SYAP1: variants seen among roughly 807,000 people sequenced by gnomAD.
The protein encoded by SYAP1 is synapse associated protein 1.
In SYAP1, 3 loss-of-function variants were observed where a neutral mutation model predicts 29.6. The observed-to-expected ratio is 0.10, with a 90% CI of 0.05 to 0.26. SYAP1 has a LOEUF of 0.26. Ranked by LOEUF, SYAP1 falls within the 10% of genes least tolerant of loss-of-function variation. The pLI, the probability that SYAP1 is intolerant of heterozygous loss-of-function variation, is 1.00. For missense variants in SYAP1, 217 were observed against 264.1 expected (o/e 0.82, Z 1.24); for synonymous variants, 102 against 102.7 (o/e 0.99, Z 0.04).
chrX:16,732,577 A>G (rs1926233405), intron 1 of SYAP1, among the ~76,000 whole-genome samples: 1 of 111,472 alleles, frequency 9.0e-6, no homozygotes, highest in African/African-American at 3.3e-5. Context: ...CAGCCCGGTC[A>G]CTGGCTTTTA....
chrX:16,739,339 TATG>T (rs1229645811), intron 3 of SYAP1, among the ~76,000 whole-genome samples: 1 of 111,031 alleles, frequency 9.0e-6, no homozygotes, highest in African/African-American at 3.3e-5. Flanking sequence ...GGGCTCGTGA[TATG>T]ATATGTCTTC....
chrX:16,751,451 CAAA>C (rs1301725524), intron 5 of SYAP1, among the ~76,000 whole-genome samples: 1 of 30,093 alleles, frequency 3.3e-5, no homozygotes, highest in Non-Finnish European at 6.0e-5. Flanking sequence ...GACTCTGTCT[CAAA>C]AAAAAAAAAA....
At chrX:16,751,106 T>A (rs1926719752) in intron 5 of SYAP1, among the ~76,000 whole-genome samples, 1 of 110,080 alleles carries the variant, frequency 9.1e-6, no homozygotes, top group African/African-American at 3.3e-5. Context: ...TCTTTTTCTG[T>A]CAGGCTTTCT....
chrX:16,721,511 C>G (rs748831905), intron 1 of SYAP1, among the ~76,000 whole-genome samples: 9 of 109,078 alleles, frequency 8.3e-5, no homozygotes, highest in Non-Finnish European at 1.7e-4. Flanking sequence ...AATCTCAAAC[C>G]ATGACAGTGT....
chrX:16,757,081 A>G, intron 7 of SYAP1, 81 bp from the exon 8 acceptor site: 1 of 1,095,788 alleles, frequency 9.1e-7, no homozygotes, highest in East Asian at 3.0e-5. Flanking sequence ...GCACGGCATT[A>G]AATTGTGAGA....
chrX:16,751,470 G>A (rs1381174960), intron 5 of SYAP1, among the ~76,000 whole-genome samples: 1 of 95,558 alleles, frequency 1.0e-5, no homozygotes. Context: ...AAAAAAAAGG[G>A]ATAAAGAGGC....
Position 16,719,824 on chromosome X carries a change from G to T in SYAP1, c.100G>T (p.Val34Leu). The change falls in exon 1 of 9, where the codon GTG becomes TTG. Residue 34 changes from valine (V) to leucine (L), a missense_variant. By Grantham distance (32) the Val-to-Leu change is conservative. Transcript: ENST00000380155. ...TCCACCCGAGCAGCCGTCCGAGACG[G>T]TGGCTGAGTCTGCGGAGGAGGAGCT... ...DAPPEQPSET[V>L]AESAEEELQQ... 8.3e-7 allele frequency: 1 copy of T among 1,199,407 alleles called. No individual in the cohort carries two copies. The highest frequency in any genetic ancestry group is 1.8e-5 in the South Asian group (1 of 55,157).
intron 3 of SYAP1, among the ~76,000 whole-genome samples, chrX:16,736,679 G>A (rs755186219): frequency 9.0e-6 from 1 of 111,676 alleles, no homozygotes; most frequent in African/African-American, 3.3e-5. Context: ...ATTTTTGTGT[G>A]TGTGTATTTT....
rs1258954248 is a variant in SYAP1, at chrX:16,743,686, CT to C, written c.436-8del. The C allele has an allele frequency of 8.5e-7, 1 of 1,181,752 alleles. No homozygotes were observed. The highest frequency in any genetic ancestry group is 1.8e-5 in the African/African-American group (1 of 55,481). On this transcript the variant is annotated splice_polypyrimidine_tract_variant and intron_variant, in intron 4 of 8. Coordinates refer to ENST00000380155, the MANE Select transcript of SYAP1 (RefSeq NM_032796.4). The stretch of plus-strand genomic sequence containing the variant: ...TTTGTGGAATACCCTGTGTTTTTTT[CT>C]TTTTTTATCAAAGGACAAGAGGAAT...
At chrX:16,742,649 A>G (rs1240588257) in intron 4 of SYAP1, among the ~76,000 whole-genome samples, 2 of 112,364 alleles carry the variant, frequency 1.8e-5, no homozygotes, top group African/African-American at 6.5e-5. Flanking sequence ...CACAGTCTCA[A>G]TTGGTCATCC....
Position 16,760,521 on chromosome X carries a change from GTATA to G in SYAP1, c.*165_*168del. ...AACTTGCCTCTTCTACTTTAAAAAA[GTATA>G]TAGAACAGTTACTTCTAATAATCAG... On this transcript the variant is annotated 3_prime_UTR_variant, in exon 9 of 9. Coordinates refer to ENST00000380155, the MANE Select transcript of SYAP1 (RefSeq NM_032796.4). 2.5e-6 allele frequency: 1 copy of G among 403,102 alleles called. No homozygotes were observed. Among genetic ancestry groups the G allele is most frequent in the Non-Finnish European group, 3.9e-6 (1 of 258,818 alleles). The allele number at this position is 403,102 out of a possible 1,213,427, so 33.2% of individuals were successfully genotyped here. A position where few individuals can be genotyped will look rare whatever the true frequency, so the allele number is the denominator to read the frequency against.
chrX:16,735,241 T>C lies in SYAP1; in HGVS notation c.190T>C (p.Phe64Leu). 1 of 1,185,717 alleles carries C rather than the reference T, an allele frequency of 8.4e-7. No homozygotes were observed. Among genetic ancestry groups the C allele is most frequent in the Non-Finnish European group, 1.1e-6 (1 of 878,937 alleles). The stretch of plus-strand genomic sequence containing the variant: ...ATTCTTTACAGACTATTTATTTAAC[T>C]TTGCATCTGCTGCCACAAAAAAGAT... ...AKDFGNYLFNFASAATKKITE... is the reference protein window; with the variant it reads ...AKDFGNYLFNLASAATKKITE... The change falls in exon 2 of 9, where the codon TTT becomes CTT. Residue 64 changes from phenylalanine to leucine, a missense_variant. By Grantham distance (22) the Phe-to-Leu change is conservative (BLOSUM62 0). Coordinates refer to ENST00000380155, the MANE Select transcript of SYAP1 (RefSeq NM_032796.4).
intron 1 of SYAP1, among the ~76,000 whole-genome samples, chrX:16,722,892 A>G (rs746646560): frequency 8.0e-5 from 9 of 112,794 alleles, no homozygotes; most frequent in South Asian, 3.6e-4. Flanking sequence ...AACCAAATTA[A>G]AGCTTTGCCT....
chrX:16,751,240 C>A (rs1364114802), intron 5 of SYAP1, among the ~76,000 whole-genome samples: 1 of 107,886 alleles, frequency 9.3e-6, no homozygotes, highest in Non-Finnish European at 1.9e-5. Flanking sequence ...ATCACGAGGT[C>A]AGGAGATCTA....
chrX:16,720,716 A>G (rs1925939920), intron 1 of SYAP1, among the ~76,000 whole-genome samples: 1 of 112,230 alleles, frequency 8.9e-6, no homozygotes, highest in South Asian at 3.7e-4. Flanking sequence ...TTCAGTGATC[A>G]CAGAAAGCAT....
intron 2 of SYAP1, among the ~76,000 whole-genome samples, chrX:16,735,682 T>C (rs1926314956): frequency 8.9e-6 from 1 of 112,141 alleles, no homozygotes; most frequent in African/African-American, 3.2e-5. Context: ...TGGAGTGTGG[T>C]GGTGTGATCT....
intron 1 of SYAP1, among the ~76,000 whole-genome samples, chrX:16,734,558 A>G (rs974137606): frequency 1.8e-5 from 2 of 111,242 alleles, no homozygotes; most frequent in Non-Finnish European, 3.8e-5. Flanking sequence ...CATGAGATCT[A>G]GAAAGGAAGA....
Position 16,761,677 on chromosome X carries a change from A to AAATG in SYAP1, c.*1345_*1348dup, listed in dbSNP as rs10677008. 15,957 of 109,385 alleles carry AAATG rather than the reference A, an allele frequency of 0.15. 1,257 individuals carry two copies. Among genetic ancestry groups the AAATG allele is most frequent in the African/African-American group, 0.25 (7,514 of 29,641 alleles). The allele number at this position is 109,385 out of a possible 1,213,427, so 9.0% of individuals were successfully genotyped here. On this transcript the variant is annotated 3_prime_UTR_variant, in exon 9 of 9. Coordinates refer to ENST00000380155, the MANE Select transcript of SYAP1 (RefSeq NM_032796.4). Reference sequence around the variant, plus strand: ...GACAGAGTGAGAGACTCCGTCTCAAAAATGAATGAATGAATGAATGAATGA... The same window carrying AAATG: ...GACAGAGTGAGAGACTCCGTCTCAAAAATGAATGAATGAATGAATGAATGAATGA...
At position 16,729,545 on chromosome X, in the gene SYAP1, A is replaced by T. The variant is rs371280192; in HGVS notation, c.176-5682A>T. ...TTGTCACCCAGGCTGGAGTGCAGTG[A>T]TGTGATCTCGGCTCACTGCAACCTC... On this transcript the variant is annotated intron_variant, in intron 1 of 8. Coordinates refer to ENST00000380155, the MANE Select transcript of SYAP1 (RefSeq NM_032796.4). Among the ~76,000 whole-genome samples, 4 of 104,372 alleles carry T rather than the reference A, an allele frequency of 3.8e-5. No individual in the cohort carries two copies. The East Asian group carries it at 1.2e-3, about 31-fold the overall frequency. 90.6% of individuals were successfully genotyped at this position (104,372 alleles called of 115,157 possible).
Sources: gnomAD v4.1 joint callset for allele counts (sites outside exome capture counted in the v4.1 genomes callset) on GRCh38, gnomAD v4.1.1 for gene constraint, MANE v1.5 for transcripts, NCBI Gene and HGNC (gene_info 2026-07-23, HGNC 2026-07-21) for gene names.